Variants in COL22A1 observed in about 807,000 individuals in gnomAD.
COL22A1 encodes the protein collagen alpha-1(XXII) chain.
A neutral mutation model predicts 248.9 loss-of-function variants in COL22A1; 221 were observed. That is an observed-to-expected ratio of 0.89 (90% confidence interval 0.80 to 0.99). The LOEUF (loss-of-function observed/expected upper bound fraction) is 0.99. COL22A1 is among the 50% of genes least tolerant of loss of function. The probability of loss-of-function intolerance (pLI) is 0.00; values close to 1 mark genes in which losing one functional copy is unlikely to be tolerated. For synonymous variants in COL22A1, 891 were observed against 793.4 expected (o/e 1.12, Z -2.07); for missense variants, 2,240 against 2,179.0 (o/e 1.03, Z -0.56).
intron 35 of COL22A1, among the ~76,000 whole-genome samples, chr8:138,693,230 C>A (rs1219447069): frequency 6.6e-6 from 1 of 151,926 alleles, no homozygotes; most frequent in Non-Finnish European, 1.5e-5. Flanking sequence ...GTTTTCCTGG[C>A]TGCATCTGTG....
rs866256204 is a variant in COL22A1, at chr8:138,830,674, T to G, written c.845+2365A>C. 3.3e-5 allele frequency among the ~76,000 whole-genome samples: 5 copies of G among 152,350 alleles called. No homozygotes were observed. The Middle Eastern group carries it at 0.01, about 311-fold the overall frequency. ...TTTGCTCTTTGATGCAAGTGCTTCC[T>G]TAGAAGGTTAGCAGAGTGGTCCTTG... On this transcript the variant is annotated intron_variant, in intron 5 of 64. Transcript: ENST00000303045.
chr8:138,637,544 T>C (rs957948927), intron 47 of COL22A1, among the ~76,000 whole-genome samples: 1 of 152,228 alleles, frequency 6.6e-6, no homozygotes, highest in African/African-American at 2.4e-5. Flanking sequence ...ACACTTGGCA[T>C]AGAGCCCAGA....
chr8:138,716,162 G>T, intron 29 of COL22A1, 65 bp downstream of exon 29: 3 of 1,281,544 alleles, frequency 2.3e-6, no homozygotes, highest in South Asian at 1.3e-5. Context: ...AGACTCCACA[G>T]GGGGCTGCTC....
intron 32 of COL22A1, among the ~76,000 whole-genome samples, chr8:138,697,597 A>C (rs1827612137): frequency 6.6e-6 from 1 of 152,130 alleles, no homozygotes; most frequent in Non-Finnish European, 1.5e-5. Flanking sequence ...GCCACCAGCC[A>C]TCCCCAGGAG....
At chr8:138,729,986 A>C (rs1830589880) in intron 23 of COL22A1, among the ~76,000 whole-genome samples, 1 of 152,194 alleles carries the variant, frequency 6.6e-6, no homozygotes, top group Non-Finnish European at 1.5e-5. Flanking sequence ...GGACAGGAGC[A>C]TCCTGTGAGG....
chr8:138,758,767 A>C (rs1304394218), intron 18 of COL22A1, among the ~76,000 whole-genome samples: 1 of 152,170 alleles, frequency 6.6e-6, no homozygotes. Context: ...GAAAACCCCA[A>C]AATCATGCCA....
chr8:138,589,169 G>C lies in COL22A1; in HGVS notation c.*84C>G, dbSNP rs983408858. 4 of 1,274,292 alleles carry C rather than the reference G, an allele frequency of 3.1e-6. No individual in the cohort carries two copies. In the African/African-American group the frequency reaches 6.1e-5, roughly 20 times the overall value. The allele number at this position is 1,274,292 out of a possible 1,614,324, so 78.9% of individuals were successfully genotyped here. On this transcript the variant is annotated 3_prime_UTR_variant, in exon 65 of 65. Coordinates refer to ENST00000303045, the MANE Select transcript of COL22A1 (RefSeq NM_152888.3). ...AAAAAAAAAGGAACACATGGCTGAA[G>C]TCTTTCAAGACCTCTGGCTTCCCAC...
At chr8:138,607,035 T>C (rs1035907486) in intron 57 of COL22A1, among the ~76,000 whole-genome samples, 1 of 152,154 alleles carries the variant, frequency 6.6e-6, no homozygotes, top group Admixed American at 6.5e-5. Context: ...GCTAGGAAGT[T>C]GGATTCCTTT....
chr8:138,906,633 T>A (rs1481407309), intron 1 of COL22A1, among the ~76,000 whole-genome samples: 1 of 152,012 alleles, frequency 6.6e-6, no homozygotes, highest in Admixed American at 6.6e-5. Context: ...AACATGTGGA[T>A]TGACATAAGA....
At chr8:138,796,897 T>A in intron 11 of COL22A1, 40 bp from the exon 12 acceptor site, 1 of 1,367,124 alleles carries the variant, frequency 7.3e-7, no homozygotes, top group South Asian at 1.2e-5. Flanking sequence ...CTACAGAGCA[T>A]CTCCATGGCA....
intron 3 of COL22A1, among the ~76,000 whole-genome samples, chr8:138,854,459 C>T (rs1328316478): frequency 6.6e-6 from 1 of 152,122 alleles, no homozygotes; most frequent in African/African-American, 2.4e-5. Context: ...GGTGAGTGAC[C>T]TGCTCCTGGT....
chr8:138,746,307 T>C (rs10088210), intron 22 of COL22A1, among the ~76,000 whole-genome samples: 82,436 of 151,988 alleles, frequency 0.54, 23,893 homozygotes, highest in South Asian at 0.69. Context: ...TGCAGTGATG[T>C]TCAGGAGCTC....
chr8:138,835,792 T>C (rs1210625159), intron 4 of COL22A1, among the ~76,000 whole-genome samples: 2 of 151,898 alleles, frequency 1.3e-5, no homozygotes, highest in Non-Finnish European at 1.5e-5. Context: ...TCAACCTCTC[T>C]GGGCTTATTT....
intron 21 of COL22A1, 62 bp from the exon 22 acceptor site, chr8:138,751,573 G>T: frequency 1.7e-6 from 2 of 1,188,712 alleles, no homozygotes; most frequent in Non-Finnish European, 1.2e-6. Flanking sequence ...GGGCTCAATG[G>T]CATAGCTTAG....
chr8:138,762,112 G>A (rs1034407886), intron 17 of COL22A1, among the ~76,000 whole-genome samples: 1 of 152,210 alleles, frequency 6.6e-6, no homozygotes, highest in African/African-American at 2.4e-5. Context: ...AGACGGCAAT[G>A]AGCGCTGCTT....
At chr8:138,611,815 C>A (rs530893829) in intron 56 of COL22A1, among the ~76,000 whole-genome samples, 4 of 151,544 alleles carry the variant, frequency 2.6e-5, no homozygotes, top group Non-Finnish European at 4.4e-5. Context: ...CCTCATAGGA[C>A]CTGCCACACA....
At chr8:138,888,452 C>T (rs1824825857) in intron 1 of COL22A1, among the ~76,000 whole-genome samples, 1 of 152,176 alleles carries the variant, frequency 6.6e-6, no homozygotes, top group African/African-American at 2.4e-5. Context: ...CTGCCAGGCC[C>T]CAGAGTGGGC....
intron 39 of COL22A1, among the ~76,000 whole-genome samples, chr8:138,680,424 T>A (rs1347195207): frequency 6.6e-6 from 1 of 152,182 alleles, no homozygotes; most frequent in Non-Finnish European, 1.5e-5. Context: ...TGAGCTGGGA[T>A]TCTAACCCAG....
At chr8:138,799,657 G>T (rs372994039) in intron 11 of COL22A1, among the ~76,000 whole-genome samples, 3 of 152,238 alleles carry the variant, frequency 2.0e-5, no homozygotes, top group South Asian at 4.2e-4. Flanking sequence ...TTGATTTCTC[G>T]GTCAAACTGT....
Sources: gnomAD v4.1 joint callset for allele counts (sites outside exome capture counted in the v4.1 genomes callset) on GRCh38, gnomAD v4.1.1 for gene constraint, MANE v1.5 for transcripts, NCBI Gene and HGNC (gene_info 2026-07-23, HGNC 2026-07-21) for gene names.